WIPF3: variants seen among roughly 807,000 people sequenced by gnomAD.
The protein encoded by WIPF3 is WAS/WASL interacting protein family member 3.
In WIPF3, 33 loss-of-function variants were observed where a neutral mutation model predicts 38.9. The observed-to-expected ratio is 0.85, with a 90% CI of 0.64 to 1.14. The LOEUF is 1.14. WIPF3 is among the 50% of genes most tolerant of loss of function. The pLI is 0.00. For synonymous variants in WIPF3, 324 were observed against 269.3 expected, an observed-to-expected ratio of 1.20 and a Z score of -1.99; for missense variants, 711 against 652.5, an observed-to-expected ratio of 1.09 and a Z score of -0.98.
chr7:29,883,405 G>A (rs751331003), intron 4 of WIPF3, among the ~76,000 whole-genome samples: 2 of 152,354 alleles, frequency 1.3e-5, no homozygotes, highest in South Asian at 2.1e-4. Flanking sequence ...TGCTGGGAGT[G>A]AAGAAAACCT....
In WIPF3 at chr7:29,879,120, C is replaced by T; in HGVS notation, c.335C>T (p.Ala112Val). 6.2e-7 allele frequency: 1 copy of T among 1,612,244 alleles called. No individual in the cohort carries two copies. ...FAGGFPVLRP[A>V]GQRDVAGGKT... ...GGTGGCTTTCCTGTATTGCGACCAG[C>T]AGGCCAGCGGGATGTAGCAGGTAAG... The change falls in exon 4 of 9, where the codon GCA (alanine) becomes GTA (valine). Residue 112 changes from alanine (A) to valine (V), a missense_variant. Coordinates refer to ENST00000242140, the MANE Select transcript of WIPF3 (RefSeq NM_001080529.3).
Position 29,884,271 on chromosome 7 carries a change from C to CA in WIPF3, c.778dup (p.Ile260AsnfsTer58). The CA allele has an allele frequency of 8.6e-5, 128 of 1,487,516 alleles. No individual in the cohort carries two copies. The highest frequency in any genetic ancestry group is 1.1e-4 in the Non-Finnish European group (120 of 1,103,454). 92.1% of individuals were successfully genotyped at this position (1,487,516 alleles called of 1,614,324 possible). A position where few individuals can be genotyped will look rare whatever the true frequency, so the allele number is the denominator to read the frequency against. On this transcript the variant is annotated frameshift_variant, in exon 5 of 9. Coordinates refer to ENST00000242140, the MANE Select transcript of WIPF3 (RefSeq NM_001080529.3). LOFTEE classifies it high-confidence loss of function. ...AGCTGGCTCCCTTGCACCTCCCGCC[C>CA]ATCCCGCCCCCGCTCCCTCTGCTCC...
chr7:29,906,498 G>T (rs1298735942), intron 8 of WIPF3, among the ~76,000 whole-genome samples: 1 of 151,698 alleles, frequency 6.6e-6, no homozygotes, highest in East Asian at 1.9e-4. Context: ...AGAACAGAAA[G>T]AAAAAAAATT....
chr7:29,891,238 CGA>C lies in WIPF3; in HGVS notation c.1351+1833_1351+1834del, dbSNP rs1402826209. On this transcript the variant is annotated intron_variant, in intron 7 of 8. Transcript: ENST00000242140. Reference sequence around the variant, plus strand: ...CTGCCCTGTGCTCAGGTGGAGGGGGCGAGGGCCTGCCCTGTGCTCAGGTGGAG... The same window carrying C: ...CTGCCCTGTGCTCAGGTGGAGGGGGCGGGCCTGCCCTGTGCTCAGGTGGAG... Among the ~76,000 whole-genome samples the C allele has an allele frequency of 4.3e-3, 500 of 115,286 alleles. 16 individuals are homozygous for C. Among genetic ancestry groups the C allele is most frequent in the African/African-American group, 0.015 (462 of 30,142 alleles). 75.6% of individuals were successfully genotyped at this position (115,286 alleles called of 152,430 possible). A position where few individuals can be genotyped will look rare whatever the true frequency, so the allele number is the denominator to read the frequency against.
intron 8 of WIPF3, among the ~76,000 whole-genome samples, chr7:29,911,345 A>G (rs1786501744): frequency 6.6e-6 from 1 of 152,204 alleles, no homozygotes; most frequent in South Asian, 2.1e-4. Flanking sequence ...AAAGCAATCT[A>G]CAGATTCAGT....
At chr7:29,869,977 T>C (rs1007546107) in intron 2 of WIPF3, among the ~76,000 whole-genome samples, 1 of 152,172 alleles carries the variant, frequency 6.6e-6, no homozygotes, top group Non-Finnish European at 1.5e-5. Context: ...CTGGGTGAGA[T>C]GGAAAGTCAT....
intron 1 of WIPF3, among the ~76,000 whole-genome samples, chr7:29,816,585 C>T (rs1784461884): frequency 7.2e-6 from 1 of 138,064 alleles, no homozygotes; most frequent in East Asian, 2.3e-4. Context: ...CCCTGCTTTC[C>T]AAAGTGCTGG....
At position 29,820,672 on chromosome 7, in the gene WIPF3, C is replaced by G. The variant is rs114923820; in HGVS notation, c.-58+13994C>G. ...CACTTCTTCCCACCTCCCATCTATC[C>G]CTTTCCAAACCTCCTTTCCACCATT... On this transcript the variant is annotated intron_variant, in intron 1 of 8. Coordinates refer to ENST00000242140, the MANE Select transcript of WIPF3 (RefSeq NM_001080529.3). Among the ~76,000 whole-genome samples, 1,371 of 152,216 alleles carry G rather than the reference C, an allele frequency of 9.0e-3. 16 individuals carry two copies. The highest frequency in any genetic ancestry group is 0.023 in the African/African-American group (968 of 41,542).
At chr7:29,837,911 T>C (rs113329297) in intron 2 of WIPF3, among the ~76,000 whole-genome samples, 1 of 152,194 alleles carries the variant, frequency 6.6e-6, no homozygotes, top group Non-Finnish European at 1.5e-5. Context: ...TATTTATTTA[T>C]TTAGTTAGTT....
chr7:29,894,792 ACACACACGAG>A (rs1344597300), intron 7 of WIPF3, among the ~76,000 whole-genome samples: 3 of 150,470 alleles, frequency 2.0e-5, no homozygotes, highest in Non-Finnish European at 4.4e-5. Context: ...CACACACGAC[ACACACACGAG>A]CACACACGCT....
intron 5 of WIPF3, among the ~76,000 whole-genome samples, 178 bp downstream of exon 5, chr7:29,884,771 G>A (rs1785838222): frequency 6.6e-6 from 1 of 152,214 alleles, no homozygotes; most frequent in Non-Finnish European, 1.5e-5. Context: ...TTGATCCCCT[G>A]CCCTTACTAG....
chr7:29,845,647 C>G (rs946238287), intron 2 of WIPF3, among the ~76,000 whole-genome samples: 11 of 152,258 alleles, frequency 7.2e-5, no homozygotes, highest in African/African-American at 2.7e-4. Context: ...GCTTGCTTCT[C>G]TGCATATCAG....
chr7:29,872,050 GCTT>G (rs1486180091), intron 2 of WIPF3, among the ~76,000 whole-genome samples: 1 of 152,184 alleles, frequency 6.6e-6, no homozygotes, highest in Non-Finnish European at 1.5e-5. Flanking sequence ...TGTTTTGTTG[GCTT>G]CTTTTTTGTT....
intron 4 of WIPF3, among the ~76,000 whole-genome samples, chr7:29,880,001 A>G (rs891062555): frequency 2.0e-5 from 3 of 152,208 alleles, no homozygotes; most frequent in Admixed American, 2.0e-4. Context: ...CTGTAAAATC[A>G]TATTTCAAAG....
chr7:29,867,545 CCCCG>C (rs1785409414), intron 2 of WIPF3, among the ~76,000 whole-genome samples: 7 of 150,344 alleles, frequency 4.7e-5, no homozygotes. Context: ...CTGGCTCTGC[CCCCG>C]CCCCCTCCAC....
In WIPF3 at chr7:29,840,798, G is replaced by A. The variant is rs1784900918; in HGVS notation, c.90+5984G>A. On this transcript the variant is annotated intron_variant, in intron 2 of 8. Coordinates refer to ENST00000242140, the MANE Select transcript of WIPF3 (RefSeq NM_001080529.3). ...AGAGGGAATGTATAGCCCAGGAGCA[G>A]GGTGGGGGTCAGTGAATATACTAAA... is the stretch of plus-strand genomic sequence containing the variant. 7.2e-5 allele frequency among the ~76,000 whole-genome samples: 11 copies of A among 152,242 alleles called. No individual in the cohort carries two copies. The South Asian group carries it at 2.3e-3, about 32-fold the overall frequency.
At position 29,844,389 on chromosome 7, in the gene WIPF3, T is replaced by A. The variant is rs561775920; in HGVS notation, c.90+9575T>A. On this transcript the variant is annotated intron_variant, in intron 2 of 8. Coordinates refer to ENST00000242140, the MANE Select transcript of WIPF3 (RefSeq NM_001080529.3). This position sits in a 1 kb window ranked among gnomAD's most constrained non-coding sequence, Gnocchi z 4.8. ...TAATAACAGGCATCTACTAAATAGC[T>A]ATTGTGCCCCCAAGTACTGTGTTAA... Among the ~76,000 whole-genome samples, 15 of 152,224 alleles carry A rather than the reference T, an allele frequency of 9.9e-5. No individual in the cohort carries two copies. Among genetic ancestry groups the A allele is most frequent in the Non-Finnish European group, 1.6e-4 (11 of 68,032 alleles).
rs370301043 is a variant in WIPF3 at position 29,904,655 on chromosome 7, G to A, written c.1428+293G>A. On this transcript the variant is annotated intron_variant, in intron 8 of 8. Transcript: ENST00000242140. ...GCCAATCACTTCCCATTCTTCCTTG[G>A]TTATGATGGCCTGTGAGAAAAACTG... 4.1e-4 allele frequency: 133 copies of A among 322,048 alleles called. 1 individual carries two copies. The highest frequency in any genetic ancestry group is 6.9e-4 in the Admixed American group (15 of 21,602). The allele number at this position is 322,048 out of a possible 1,614,324, so 19.9% of individuals were successfully genotyped here.
At chr7:29,850,956 A>G (rs1785084955) in intron 2 of WIPF3, among the ~76,000 whole-genome samples, 1 of 152,202 alleles carries the variant, frequency 6.6e-6, no homozygotes, top group Admixed American at 6.5e-5. Flanking sequence ...TTGTAAAGGA[A>G]TTCACTGCAA....
Sources: gnomAD v4.1 joint callset for allele counts (sites outside exome capture counted in the v4.1 genomes callset) on GRCh38, gnomAD v4.1.1 for gene constraint, Gnocchi (gnomAD v3.1) non-coding constraint, MANE v1.5 for transcripts, NCBI Gene and HGNC (gene_info 2026-07-23, HGNC 2026-07-21) for gene names.